Variants in DRAXIN observed in about 807,000 individuals in gnomAD.
DRAXIN encodes dorsal repulsive axon guidance protein.
Under a neutral mutation model 33.9 loss-of-function variants are expected in DRAXIN, and 27 were observed. The ratio of observed to expected loss-of-function variants is 0.80; its 90% CI spans 0.59 to 1.10. DRAXIN has a LOEUF of 1.10. Ranked by LOEUF, DRAXIN falls within the 50% of genes least tolerant of loss-of-function variation. The pLI is 0.00. For missense variants in DRAXIN, 371 were observed against 460.8 expected, an observed-to-expected ratio of 0.81 and a Z score of 1.78; for synonymous variants, 178 against 194.0, an observed-to-expected ratio of 0.92 and a Z score of 0.69.
Position 11,706,375 on chromosome 1 carries a change from G to T in DRAXIN, c.117G>T (p.Glu39Asp). 1.2e-6 allele frequency: 2 copies of T among 1,613,838 alleles called. No individual in the cohort carries two copies. Among genetic ancestry groups the T allele is most frequent in the Non-Finnish European group, 1.7e-6 (2 of 1,180,024 alleles). ...GGACCCCTGCCCGGAACCTCCCTGAGAATCACATTGACCTCCCAGGCCCAG... is the reference window on the plus strand; with the variant it reads ...GGACCCCTGCCCGGAACCTCCCTGATAATCACATTGACCTCCCAGGCCCAG... ...APGTPARNLP[E>D]NHIDLPGPAL... Residue 39 changes from glutamate to aspartate, a missense_variant, in exon 2 of 7, where the codon GAG (glutamate) becomes GAT (aspartate). Physicochemically the swap from Glu to Asp is conservative, Grantham distance 45. Transcript: ENST00000294485. The surrounding 1 kb of genome is among the most constrained non-coding windows in gnomAD (Gnocchi z 5.5).
intron 1 of DRAXIN, among the ~76,000 whole-genome samples, chr1:11,703,883 G>A (rs1641339231): frequency 6.6e-6 from 1 of 152,168 alleles, no homozygotes; most frequent in African/African-American, 2.4e-5. Flanking sequence ...TTGGGAAGGT[G>A]GCAGTCTGGG....
chr1:11,707,133 G>A (rs1641397101), intron 2 of DRAXIN, among the ~76,000 whole-genome samples: 1 of 152,140 alleles, frequency 6.6e-6, no homozygotes, highest in African/African-American at 2.4e-5. Context: ...CCCAGGAGGC[G>A]GAGCTTGCAG....
At chr1:11,689,317 G>C (rs113849961), upstream of DRAXIN, among the ~76,000 whole-genome samples, 3,392 of 127,732 alleles carry the variant, frequency 0.027, 153 homozygotes, top group African/African-American at 0.093. Flanking sequence ...AAAAAAAAAG[G>C]CTGGGTGCTG....
At chr1:11,712,060 T>G (rs1641502772) in intron 4 of DRAXIN, 95 bp downstream of exon 4, 18 of 1,202,946 alleles carry the variant, frequency 1.5e-5, no homozygotes, top group Admixed American at 1.2e-4. Context: ...CTGTCTGATC[T>G]TCAGATGTCC....
chr1:11,690,936 G>T (rs370317512), upstream of DRAXIN, among the ~76,000 whole-genome samples: 3 of 152,114 alleles, frequency 2.0e-5, no homozygotes, highest in African/African-American at 7.2e-5. The surrounding 1 kb of genome is among the most constrained non-coding windows in gnomAD (Gnocchi z 4.2). Flanking sequence ...GTGAGTGTGT[G>T]TGTGTGTGTG....
At chr1:11,712,536 C>T in intron 5 of DRAXIN, 107 bp downstream of exon 5, 5 of 1,077,206 alleles carry the variant, frequency 4.6e-6, no homozygotes, top group Non-Finnish European at 7.0e-6. Context: ...CTTGACCCTT[C>T]ATGGATGATA....
At position 11,722,203 on chromosome 1, in the gene DRAXIN, T is replaced by TGC. The variant is rs1473876324; in HGVS notation, c.*2508_*2509dup. 2.0e-5 allele frequency: 3 copies of TGC among 152,208 alleles called. No individual in the cohort carries two copies. The highest frequency in any genetic ancestry group is 2.9e-5 in the Non-Finnish European group (2 of 68,046). 9.4% of individuals were successfully genotyped at this position (152,208 alleles called of 1,614,324 possible). A position where few individuals can be genotyped will look rare whatever the true frequency, so the allele number is the denominator to read the frequency against. ...CCAGACAACCCACACATGCTGTGTG[T>TGC]GCCTCACATTAAGTGGTGACTCGGG... is the stretch of plus-strand genomic sequence containing the variant. On this transcript the variant is annotated 3_prime_UTR_variant, in exon 7 of 7. Coordinates refer to ENST00000294485, the MANE Select transcript of DRAXIN (RefSeq NM_198545.4).
At chr1:11,686,667 T>G in the DRAXIN span, among the ~76,000 whole-genome samples, 4 of 152,148 alleles carry the variant, frequency 2.6e-5, no homozygotes, top group Non-Finnish European at 5.9e-5. Context: ...CCTGCCAAAG[T>G]GTTGGGATTA....
rs1245085722 is a variant in DRAXIN, at chr1:11,724,471, A to C, written c.*4775A>C. On this transcript the variant is annotated 3_prime_UTR_variant, in exon 7 of 7. Transcript: ENST00000294485. ...GGGAATAGGCTGAGCATGCAATGAC[A>C]TGAGGGCCAAGGCTTGTGGGAAAAT... The C allele has an allele frequency of 2.6e-5, 4 of 152,320 alleles. No individual in the cohort carries two copies. Among genetic ancestry groups the C allele is most frequent in the African/African-American group, 9.6e-5 (4 of 41,478 alleles). 9.4% of individuals were successfully genotyped at this position (152,320 alleles called of 1,614,324 possible).
At position 11,705,126 on chromosome 1, in the gene DRAXIN, T is replaced by C. The variant is rs139527930; in HGVS notation, c.-10-1123T>C. Among the ~76,000 whole-genome samples, 289 of 152,298 alleles carry C rather than the reference T, an allele frequency of 1.9e-3. 1 individual carries two copies. Among genetic ancestry groups the C allele is most frequent in the African/African-American group, 6.6e-3 (275 of 41,564 alleles). On this transcript the variant is annotated intron_variant, in intron 1 of 6. Coordinates refer to ENST00000294485, the MANE Select transcript of DRAXIN (RefSeq NM_198545.4). This position sits in a 1 kb window ranked among gnomAD's most constrained non-coding sequence, Gnocchi z 4.8. ...CTTTTCTCAGCCCGGGACAATTATA[T>C]GGCCACAAATCACAAAGAAACGGTG...
upstream of DRAXIN, among the ~76,000 whole-genome samples, chr1:11,690,923 CGT>C (rs1641050087): frequency 6.8e-6 from 1 of 147,172 alleles, no homozygotes; most frequent in Non-Finnish European, 1.5e-5. The surrounding 1 kb of genome is among the most constrained non-coding windows in gnomAD (Gnocchi z 4.2). Context: ...AGCCGCGCCG[CGT>C]GTGAGTGTGT....
Position 11,694,396 on chromosome 1 carries a change from C to T in DRAXIN, c.-11+2543C>T, listed in dbSNP as rs1641157987. 6.6e-6 allele frequency among the ~76,000 whole-genome samples: 1 copy of T among 152,022 alleles called. No homozygotes were observed. Among genetic ancestry groups the T allele is most frequent in the South Asian group, 2.1e-4 (1 of 4,816 alleles). On this transcript the variant is annotated intron_variant, in intron 1 of 6. Transcript: ENST00000294485. This position sits in a 1 kb window ranked among gnomAD's most constrained non-coding sequence, Gnocchi z 4.9. ...GGGGGAGCAAGCTGCCCGGAAACCCCTGTGATACTGAGGCCCTGTATCACT... is the reference window on the plus strand; with the variant it reads ...GGGGGAGCAAGCTGCCCGGAAACCCTTGTGATACTGAGGCCCTGTATCACT...
chr1:11,712,555 C>A, intron 5 of DRAXIN, 126 bp downstream of exon 5: 2 of 870,810 alleles, frequency 2.3e-6, no homozygotes, highest in Non-Finnish European at 3.6e-6. Context: ...TAAATAATAA[C>A]AACAGCTGCC....
At position 11,722,826 on chromosome 1, in the gene DRAXIN, TTCC is replaced by T. The variant is rs1641674530; in HGVS notation, c.*3132_*3134del. The stretch of plus-strand genomic sequence containing the variant: ...CATGTCACAAAATATTATTCTCTCT[TTCC>T]TTTTTTTTTTTTTTGGAGATGGAGT... On this transcript the variant is annotated 3_prime_UTR_variant, in exon 7 of 7. Transcript: ENST00000294485. 6.8e-6 allele frequency: 1 copy of T among 147,924 alleles called. No homozygotes were observed. Among genetic ancestry groups the T allele is most frequent in the African/African-American group, 2.7e-5 (1 of 37,290 alleles). The allele number at this position is 147,924 out of a possible 1,614,324, so 9.2% of individuals were successfully genotyped here. A position where few individuals can be genotyped will look rare whatever the true frequency, so the allele number is the denominator to read the frequency against.
intron 6 of DRAXIN, among the ~76,000 whole-genome samples, chr1:11,716,669 AAATTT>A (rs780959844): frequency 2.6e-5 from 4 of 152,054 alleles, no homozygotes; most frequent in Non-Finnish European, 4.4e-5. Context: ...GTGGACTTTT[AAATTT>A]AATTTAATTA....
intron 6 of DRAXIN, among the ~76,000 whole-genome samples, chr1:11,718,192 T>A (rs1001662111): frequency 6.7e-6 from 1 of 149,088 alleles, no homozygotes; most frequent in Non-Finnish European, 1.5e-5. Flanking sequence ...GGCGCATGCC[T>A]GTAATCCCAG....
intron 6 of DRAXIN, among the ~76,000 whole-genome samples, 162 bp downstream of exon 6, chr1:11,715,370 C>T (rs542558194): frequency 2.4e-4 from 36 of 152,278 alleles, no homozygotes; most frequent in South Asian, 4.2e-4. Flanking sequence ...CCTCGGGAGC[C>T]GAAGACGTGA....
At position 11,725,565 on chromosome 1, in the gene DRAXIN, G is replaced by C. The variant is rs571754071; in HGVS notation, c.*5869G>C. 1 of 152,178 alleles carries C rather than the reference G, an allele frequency of 6.6e-6. No individual in the cohort carries two copies. Among genetic ancestry groups the C allele is most frequent in the Non-Finnish European group, 1.5e-5 (1 of 68,034 alleles). 9.4% of individuals were successfully genotyped at this position (152,178 alleles called of 1,614,324 possible). ...TATTCAGGTGTGAGCTGGCAAATCC[G>C]AGACCTGTTTTGCGTAGCTAATTAC... On this transcript the variant is annotated 3_prime_UTR_variant, in exon 7 of 7. Coordinates refer to ENST00000294485, the MANE Select transcript of DRAXIN (RefSeq NM_198545.4).
At chr1:11,709,170 G>C in intron 2 of DRAXIN, 105 bp from the exon 3 acceptor site, 1 of 1,229,552 alleles carries the variant, frequency 8.1e-7, no homozygotes, top group Non-Finnish European at 1.1e-6. Flanking sequence ...TTGTCACACA[G>C]TGCCTGCTGC....
Sources: gnomAD v4.1 joint callset for allele counts (sites outside exome capture counted in the v4.1 genomes callset) on GRCh38, gnomAD v4.1.1 for gene constraint, Gnocchi (gnomAD v3.1) non-coding constraint, MANE v1.5 for transcripts, NCBI Gene and HGNC (gene_info 2026-07-23, HGNC 2026-07-21) for gene names.